The following GALNT13 variants were observed in gnomAD, a reference collection of about 807,000 sequenced individuals.
The protein encoded by GALNT13 is polypeptide N-acetylgalactosaminyltransferase 13, also known as UDP-GalNAc:polypeptide N-acetylgalactosaminyltransferase 13.
Under a neutral mutation model 64.2 loss-of-function variants are expected in GALNT13, and 28 were observed. That is an observed-to-expected ratio of 0.44 (90% CI 0.32 to 0.60). The LOEUF (loss-of-function observed/expected upper bound fraction) is 0.60, where lower values mean the gene tolerates loss of function less well. Ranked by LOEUF, GALNT13 falls within the 20% of genes least tolerant of loss-of-function variation. The pLI, the probability that GALNT13 is intolerant of heterozygous loss-of-function variation, is 0.05. For synonymous variants in GALNT13, 214 were observed against 224.6 expected, an observed-to-expected ratio of 0.95 and a Z score of 0.42; for missense variants, 577 against 669.8, an observed-to-expected ratio of 0.86 and a Z score of 1.53.
chr2:153,436,022 G>C, the GALNT13 span, among the ~76,000 whole-genome samples: 1 of 152,146 alleles, frequency 6.6e-6, no homozygotes, highest in Non-Finnish European at 1.5e-5. Context: ...AATTTGTTGA[G>C]AGTTTTTAGC....
chr2:154,190,363 T>C (rs1182398935), intron 4 of GALNT13, among the ~76,000 whole-genome samples: 1 of 152,108 alleles, frequency 6.6e-6, no homozygotes, highest in Non-Finnish European at 1.5e-5. Flanking sequence ...AAGGTGAAAA[T>C]AGGTATGTAG....
the GALNT13 span, among the ~76,000 whole-genome samples, chr2:153,222,312 G>A: frequency 1.0e-5 from 1 of 98,264 alleles, no homozygotes; most frequent in South Asian, 3.2e-4. Flanking sequence ...CTGGCTGGGG[G>A]GGGGGGGGGG....
the GALNT13 span, among the ~76,000 whole-genome samples, chr2:153,193,884 A>AT: frequency 1.2e-3 from 183 of 151,978 alleles, 1 homozygote; most frequent in African/African-American, 4.0e-3. Context: ...TTGCTGCCTG[A>AT]TTTTTTGTTT....
the GALNT13 span, among the ~76,000 whole-genome samples, chr2:153,554,550 T>C: frequency 1.2e-4 from 18 of 152,324 alleles, no homozygotes; most frequent in Non-Finnish European, 2.1e-4. Flanking sequence ...GAAATGCATC[T>C]GGAATTTAAA....
chr2:154,237,085 A>T (rs1405108473), intron 4 of GALNT13, among the ~76,000 whole-genome samples: 1 of 151,950 alleles, frequency 6.6e-6, no homozygotes, highest in Non-Finnish European at 1.5e-5. Flanking sequence ...TTGCATTATT[A>T]TTACTACTTT....
intron 4 of GALNT13, among the ~76,000 whole-genome samples, chr2:154,147,862 A>G (rs549941889): frequency 4.0e-5 from 6 of 151,200 alleles, no homozygotes; most frequent in Non-Finnish European, 7.4e-5. Context: ...CATGGTTGTT[A>G]ATGTGTTCTT....
chr2:153,102,506 T>C, the GALNT13 span, among the ~76,000 whole-genome samples: 4 of 152,210 alleles, frequency 2.6e-5, no homozygotes, highest in East Asian at 7.7e-4. Flanking sequence ...ATATACTTCC[T>C]TGGAGGAAAA....
At chr2:153,071,714 A>G in the GALNT13 span, among the ~76,000 whole-genome samples, 3 of 152,164 alleles carry the variant, frequency 2.0e-5, no homozygotes, top group Non-Finnish European at 2.9e-5. Context: ...TGAAGAAATT[A>G]TTTCTTGACA....
the GALNT13 span, among the ~76,000 whole-genome samples, chr2:153,253,963 C>T: frequency 6.6e-6 from 1 of 152,176 alleles, no homozygotes; most frequent in African/African-American, 2.4e-5. Context: ...GCTTTAGTAT[C>T]AGGATGATGC....
intron 3 of GALNT13, among the ~76,000 whole-genome samples, chr2:154,069,189 A>G (rs1700620091): frequency 6.6e-6 from 1 of 152,076 alleles, no homozygotes; most frequent in African/African-American, 2.4e-5. Context: ...GAATGCATTT[A>G]TAGCAATCTT....
At chr2:153,914,660 A>T (rs1689205733) in intron 2 of GALNT13, among the ~76,000 whole-genome samples, 1 of 152,064 alleles carries the variant, frequency 6.6e-6, no homozygotes, top group Non-Finnish European at 1.5e-5. Flanking sequence ...AAACCTATTG[A>T]GATTATCAAA....
chr2:153,592,860 C>G, the GALNT13 span: 5 of 152,228 alleles, frequency 3.3e-5, no homozygotes, highest in Non-Finnish European at 5.9e-5. Context: ...CTGACCTTAC[C>G]TTGAGATGAG....
chr2:153,521,096 C>T, the GALNT13 span, among the ~76,000 whole-genome samples: 1 of 152,238 alleles, frequency 6.6e-6, no homozygotes, highest in African/African-American at 2.4e-5. Flanking sequence ...AGGAAGTACA[C>T]CTGAAAGCGC....
the GALNT13 span, among the ~76,000 whole-genome samples, chr2:153,640,619 C>T: frequency 7.3e-5 from 11 of 151,720 alleles, no homozygotes; most frequent in Non-Finnish European, 1.5e-4. Flanking sequence ...TTTTTTTCTA[C>T]AAAAAATTAA....
At chr2:153,369,829 G>A in the GALNT13 span, among the ~76,000 whole-genome samples, 1 of 152,262 alleles carries the variant, frequency 6.6e-6, no homozygotes, top group East Asian at 1.9e-4. Flanking sequence ...AGTCAGCTTG[G>A]AAGTGGATCA....
the GALNT13 span, among the ~76,000 whole-genome samples, chr2:153,080,249 G>A: frequency 3.3e-5 from 5 of 151,772 alleles, no homozygotes; most frequent in African/African-American, 1.2e-4. Flanking sequence ...TCTTTTTGGG[G>A]TGGGTAATTG....
the GALNT13 span, among the ~76,000 whole-genome samples, chr2:153,499,307 T>A: frequency 6.6e-6 from 1 of 152,184 alleles, no homozygotes; most frequent in Non-Finnish European, 1.5e-5. Context: ...ACAAAGTTTG[T>A]TCGAGTCTGG....
At chr2:154,166,529 G>A (rs1393277895) in intron 4 of GALNT13, among the ~76,000 whole-genome samples, 3 of 152,324 alleles carry the variant, frequency 2.0e-5, no homozygotes, top group African/African-American at 7.2e-5. Flanking sequence ...ACTGTTGGTA[G>A]GACAGTAAAC....
intron 7 of GALNT13, among the ~76,000 whole-genome samples, chr2:154,255,805 A>C (rs1309610067): frequency 1.3e-5 from 2 of 152,150 alleles, no homozygotes; most frequent in East Asian, 1.9e-4. Flanking sequence ...TAATCCCAGC[A>C]CGTTGAGAGG....
Sources: gnomAD v4.1 joint callset for allele counts (sites outside exome capture counted in the v4.1 genomes callset) on GRCh38, gnomAD v4.1.1 for gene constraint, MANE v1.5 for transcripts, NCBI Gene and HGNC (gene_info 2026-07-23, HGNC 2026-07-21) for gene names.